The following HEATR4 variants were observed in gnomAD, a reference collection of about 807,000 sequenced individuals.
The protein encoded by HEATR4 is HEAT repeat containing 4.
HEATR4 carries 95 observed loss-of-function variants against 108.8 expected under a neutral mutation model. The observed-to-expected ratio is 0.87, with a 90% CI of 0.74 to 1.04. The LOEUF (loss-of-function observed/expected upper bound fraction) is 1.04. Among genes scored for constraint, HEATR4 ranks in the 50% least tolerant of loss-of-function variants. The pLI is 0.00. For missense variants in HEATR4, 1,152 were observed against 1,253.8 expected, an observed-to-expected ratio of 0.92 and a Z score of 1.23; for synonymous variants, 443 against 459.4, an observed-to-expected ratio of 0.96 and a Z score of 0.46.
intron 9 of HEATR4, 129 bp downstream of exon 9, chr14:73,508,005 C>G (rs942417376): frequency 2.3e-6 from 2 of 852,448 alleles, no homozygotes; most frequent in African/African-American, 3.4e-5. Context: ...CTCGGCCTCC[C>G]GAAGTGTTGG....
At chr14:73,609,310 A>G in the HEATR4 span, among the ~76,000 whole-genome samples, 26 of 152,238 alleles carry the variant, frequency 1.7e-4, no homozygotes, top group African/African-American at 6.0e-4. Flanking sequence ...CAAACATGGG[A>G]TGGACAATGT....
chr14:73,567,688 A>G, the HEATR4 span: 1 of 152,048 alleles, frequency 6.6e-6, no homozygotes, highest in South Asian at 2.1e-4. Flanking sequence ...AAACCTTGCT[A>G]CTGCTCCTTC....
chr14:73,561,878 G>A (rs1889535186), upstream of HEATR4, among the ~76,000 whole-genome samples: 2 of 152,028 alleles, frequency 1.3e-5, no homozygotes, highest in Admixed American at 6.6e-5. Flanking sequence ...CCAGCTACTG[G>A]GGAGACTGAG....
the HEATR4 span, among the ~76,000 whole-genome samples, chr14:73,633,391 T>C: frequency 6.6e-6 from 1 of 152,154 alleles, no homozygotes; most frequent in Non-Finnish European, 1.5e-5. Flanking sequence ...TCGTTTTAGG[T>C]CTTTGCTGGC....
At chr14:73,572,540 G>A in the HEATR4 span, among the ~76,000 whole-genome samples, 1 of 150,666 alleles carries the variant, frequency 6.6e-6, no homozygotes, top group Admixed American at 6.6e-5. Flanking sequence ...CCAGGATACT[G>A]GAAAGAGAGG....
the HEATR4 span, chr14:73,569,554 G>T: frequency 1.9e-6 from 3 of 1,602,998 alleles, no homozygotes; most frequent in African/African-American, 2.7e-5. Context: ...GACGAGAAGG[G>T]CGCGCTTTTC....
the HEATR4 span, among the ~76,000 whole-genome samples, chr14:73,566,625 C>T: frequency 1.3e-5 from 2 of 152,174 alleles, no homozygotes; most frequent in Non-Finnish European, 2.9e-5. Context: ...CTGGCGGCTC[C>T]GAGTGTGGGG....
intron 17 of HEATR4, among the ~76,000 whole-genome samples, chr14:73,486,215 G>A (rs1428363173): frequency 6.6e-6 from 1 of 152,148 alleles, no homozygotes; most frequent in East Asian, 1.9e-4. Context: ...ATCCCTCAAT[G>A]CTAGTAGCAC....
At chr14:73,611,630 T>C in the HEATR4 span, 1 of 152,226 alleles carries the variant, frequency 6.6e-6, no homozygotes, top group Non-Finnish European at 1.5e-5. Context: ...CACTGGGTAC[T>C]AACCTACAGG....
intron 5 of HEATR4, among the ~76,000 whole-genome samples, chr14:73,517,959 A>ATG (rs2140291407): frequency 6.6e-6 from 1 of 151,294 alleles, no homozygotes; most frequent in African/African-American, 2.4e-5. Flanking sequence ...GGTGGCGCGC[A>ATG]CCTGTAGTCC....
chr14:73,576,932 C>CTT, the HEATR4 span, among the ~76,000 whole-genome samples: 3 of 91,544 alleles, frequency 3.3e-5, no homozygotes, highest in Non-Finnish European at 8.1e-5. Context: ...CTTTTCTTTT[C>CTT]TTTTTTTTTT....
chr14:73,524,307 AAAAATATAT>A (rs1435762394), intron 2 of HEATR4, among the ~76,000 whole-genome samples: 21 of 110,064 alleles, frequency 1.9e-4, no homozygotes, highest in Middle Eastern at 4.4e-3. Context: ...AAAAAAAAAA[AAAAATATAT>A]ATATATATAT....
chr14:73,521,174 G>T, intron 3 of HEATR4, 135 bp from the exon 4 acceptor site: 1 of 756,046 alleles, frequency 1.3e-6, no homozygotes, highest in Non-Finnish European at 2.2e-6. Flanking sequence ...GAACACCAAT[G>T]TTTAACTTTT....
chr14:73,569,843 G>A, the HEATR4 span: 5 of 1,604,884 alleles, frequency 3.1e-6, no homozygotes, highest in Non-Finnish European at 4.3e-6. Flanking sequence ...GCGAGCCGGT[G>A]CGCGTGGGCC....
In HEATR4 at chr14:73,541,851, C is replaced by CT. The variant is rs1163236047; in HGVS notation, c.-151-11608dup. On this transcript the variant is annotated intron_variant, in intron 1 of 17. Coordinates refer to ENST00000553558, the MANE Select transcript of HEATR4 (RefSeq NM_001220484.1). ...CTTCTTATAGACAGTTTCTTTCTTT[C>CT]TTCTTCTTCTTCTTTCTTTTTTTGA... is the stretch of plus-strand genomic sequence containing the variant. 3.5e-5 allele frequency among the ~76,000 whole-genome samples: 4 copies of CT among 113,552 alleles called. 1 individual carries two copies. The highest frequency in any genetic ancestry group is 1.2e-4 in the African/African-American group (4 of 33,952). The allele number at this position is 113,552 out of a possible 152,430, so 74.5% of individuals were successfully genotyped here. A position where few individuals can be genotyped will look rare whatever the true frequency, so the allele number is the denominator to read the frequency against.
At chr14:73,506,271 G>A (rs1053468407) in intron 10 of HEATR4, among the ~76,000 whole-genome samples, 196 bp downstream of exon 10, 1 of 152,196 alleles carries the variant, frequency 6.6e-6, no homozygotes, top group Non-Finnish European at 1.5e-5. Flanking sequence ...GACCACCAGT[G>A]CACTGAGAAG....
chr14:73,578,247 T>G, the HEATR4 span, among the ~76,000 whole-genome samples: 1 of 151,036 alleles, frequency 6.6e-6, no homozygotes, highest in South Asian at 2.1e-4. Flanking sequence ...TTTTTTTTTT[T>G]GAGACAGGAT....
chr14:73,503,915 C>T (rs1393761260), intron 10 of HEATR4, among the ~76,000 whole-genome samples: 1 of 152,154 alleles, frequency 6.6e-6, no homozygotes, highest in Non-Finnish European at 1.5e-5. Flanking sequence ...TCATCTTTAC[C>T]TCAACCCCTG....
chr14:73,595,166 A>T, the HEATR4 span: 56 of 1,614,138 alleles, frequency 3.5e-5, no homozygotes, highest in Non-Finnish European at 4.6e-5. Context: ...ATCTGGGATC[A>T]GTGGGAACAC....
Sources: gnomAD v4.1 joint callset for allele counts (sites outside exome capture counted in the v4.1 genomes callset) on GRCh38, gnomAD v4.1.1 for gene constraint, MANE v1.5 for transcripts, NCBI Gene and HGNC (gene_info 2026-07-23, HGNC 2026-07-21) for gene names.